The following RPGR variants were observed in gnomAD, a reference collection of about 807,000 sequenced individuals.
The protein encoded by RPGR is X-linked retinitis pigmentosa GTPase regulator.
In RPGR, 10 loss-of-function variants were observed where a neutral mutation model predicts 56.3. The ratio of observed to expected loss-of-function variants is 0.18; its 90% CI spans 0.11 to 0.30. The LOEUF (loss-of-function observed/expected upper bound fraction) is 0.30, where lower values mean the gene tolerates loss of function less well. Among genes scored for constraint, RPGR ranks in the 10% least tolerant of loss-of-function variants. The pLI is 1.00. For synonymous variants in RPGR, 197 were observed against 212.9 expected (o/e 0.93, Z 0.65); for missense variants, 538 against 590.9 (o/e 0.91, Z 0.93).
At position 38,320,895 on chromosome X, in the gene RPGR, T is replaced by C. The variant is rs143415085; in HGVS notation, c.310+132A>G. 1.3e-3 allele frequency: 686 copies of C among 533,590 alleles called. 3 individuals are homozygous for C. The African/African-American group carries it at 0.015, about 12-fold the overall frequency. 44.0% of individuals were successfully genotyped at this position (533,590 alleles called of 1,213,427 possible). On this transcript the variant is annotated intron_variant, in intron 4 of 18. Coordinates refer to ENST00000642395, the MANE Select transcript of RPGR (RefSeq NM_000328.3). Reference sequence around the variant, plus strand: ...TGCAAAGGCAAACGTGTACTAGCCATTGACATTTTAAAAAACCCTAATTTT... The same window carrying C: ...TGCAAAGGCAAACGTGTACTAGCCACTGACATTTTAAAAAACCCTAATTTT...
At chrX:38,276,878 AAAT>A (rs1277218437) in intron 15 of RPGR, 2 of 643,337 alleles carry the variant, frequency 3.1e-6, no homozygotes, top group African/African-American at 2.2e-5. Flanking sequence ...AAAACCAGGA[AAAT>A]ATTAATTCAA....
chrX:38,326,991 A>G (rs1408369695), intron 1 of RPGR: 10 of 199,363 alleles, frequency 5.0e-5, no homozygotes, highest in African/African-American at 3.1e-4. Flanking sequence ...CGGGATGCGG[A>G]GGTTGCGGTG....
At chrX:38,280,463 C>A (rs949975958) in intron 15 of RPGR, among the ~76,000 whole-genome samples, 3 of 111,032 alleles carry the variant, frequency 2.7e-5, no homozygotes, top group African/African-American at 9.8e-5. Context: ...GGGGTGCCAG[C>A]CTCAGCTCAG....
At chrX:38,321,809 G>A (rs980049126) in intron 3 of RPGR, among the ~76,000 whole-genome samples, 12 of 111,361 alleles carry the variant, frequency 1.1e-4, no homozygotes, top group African/African-American at 2.3e-4. Context: ...ATGAAAAACC[G>A]AAGACCAATA....
chrX:38,303,840 T>A, intron 8 of RPGR: 1 of 296,754 alleles, frequency 3.4e-6, no homozygotes, highest in African/African-American at 2.7e-5. Flanking sequence ...GGAAAAAAAG[T>A]AGAAATACTA....
At chrX:38,277,323 C>T (rs1260317791) in intron 15 of RPGR, among the ~76,000 whole-genome samples, 2 of 111,643 alleles carry the variant, frequency 1.8e-5, no homozygotes, top group Non-Finnish European at 3.8e-5. Flanking sequence ...CAAACAGAGG[C>T]AGAACTTGTT....
chrX:38,310,709 G>T lies in RPGR; in HGVS notation c.684C>A (p.Leu228=), dbSNP rs2067700627. ...GCTGGGGTGTTCTGTGATTGCCCAGGAGCTGATTGGGAAGACCTAACTTCC... is the reference window on the plus strand; with the variant it reads ...GCTGGGGTGTTCTGTGATTGCCCAGTAGCTGATTGGGAAGACCTAACTTCC... Residue 228 remains leucine, a synonymous_variant, in exon 7 of 19, where the codon CTC becomes CTA. Coordinates refer to ENST00000642395, the MANE Select transcript of RPGR (RefSeq NM_000328.3). The T allele has an allele frequency of 1.7e-6, 2 of 1,208,200 alleles. No homozygotes were observed. Among genetic ancestry groups the T allele is most frequent in the African/African-American group, 1.8e-5 (1 of 56,804 alleles).
chrX:38,317,487 G>A (rs1231958879), intron 5 of RPGR, 22 bp from the exon 6 acceptor site: 1 of 1,191,850 alleles, frequency 8.4e-7, no homozygotes, highest in South Asian at 1.8e-5. Flanking sequence ...AATAAAAGGG[G>A]GAGAAAAGGT....
intron 15 of RPGR, chrX:38,285,951 T>A: frequency 1.1e-6 from 1 of 901,134 alleles, no homozygotes; most frequent in Non-Finnish European, 1.4e-6. Context: ...CCCCTTCCTC[T>A]TCTTCCTCCC....
At chrX:38,285,609 TAA>T in intron 15 of RPGR, 1 of 1,211,830 alleles carries the variant, frequency 8.3e-7, no homozygotes, top group Non-Finnish European at 1.1e-6. Flanking sequence ...GCCCGTTTTT[TAA>T]AAGTCGTTTT....
intron 10 of RPGR, among the ~76,000 whole-genome samples, chrX:38,298,127 G>A (rs182712507): frequency 0.02 from 2,190 of 109,347 alleles, 38 homozygotes; most frequent in Middle Eastern, 0.052. Context: ...AAAATTAGCC[G>A]GGCATGGTGG....
At chrX:38,304,004 T>C in intron 8 of RPGR, among the ~76,000 whole-genome samples, 2 of 112,191 alleles carry the variant, frequency 1.8e-5, no homozygotes, top group Middle Eastern at 9.2e-3. Context: ...GACTGAATCA[T>C]TTAGGGGAGA....
intron 6 of RPGR, among the ~76,000 whole-genome samples, chrX:38,315,441 C>A (rs911170042): frequency 9.0e-6 from 1 of 111,702 alleles, no homozygotes; most frequent in Non-Finnish European, 1.9e-5. Flanking sequence ...GAAGTCATTA[C>A]GTTAAATGAA....
intron 13 of RPGR, among the ~76,000 whole-genome samples, chrX:38,289,739 T>C (rs983619421): frequency 8.9e-6 from 1 of 112,588 alleles, no homozygotes; most frequent in African/African-American, 3.2e-5. Context: ...AAGTATAAAA[T>C]ATATGTCAGC....
At chrX:38,320,963 G>A (rs189366649) in intron 4 of RPGR, 64 bp downstream of exon 4, 39 of 862,475 alleles carry the variant, frequency 4.5e-5, no homozygotes, top group Admixed American at 3.4e-4. Flanking sequence ...ACAAAGCCAC[G>A]TTACTGGAAT....
intron 15 of RPGR, among the ~76,000 whole-genome samples, chrX:38,281,702 C>T (rs1163639065): frequency 9.0e-6 from 1 of 111,167 alleles, no homozygotes; most frequent in Non-Finnish European, 1.9e-5. Flanking sequence ...CGTCAAAAGT[C>T]CCTTCCTTTA....
chrX:38,299,152 A>C lies in RPGR; in HGVS notation c.1060-11T>G. On this transcript the variant is annotated splice_polypyrimidine_tract_variant and intron_variant, in intron 9 of 18. Coordinates refer to ENST00000642395, the MANE Select transcript of RPGR (RefSeq NM_000328.3). ...TCCACCACAAGCAACCTGCAGCATA[A>C]ATCCACAGAAAAACTCATCAACATT... The C allele has an allele frequency of 8.3e-7, 1 of 1,206,747 alleles. No homozygotes were observed. Among genetic ancestry groups the C allele is most frequent in the Non-Finnish European group, 1.1e-6 (1 of 892,253 alleles).
intron 7 of RPGR, among the ~76,000 whole-genome samples, chrX:38,306,004 CAT>C (rs759081582): frequency 4.5e-5 from 5 of 111,364 alleles, no homozygotes; most frequent in Admixed American, 1.9e-4. Flanking sequence ...AATACTACGT[CAT>C]ATGTTTTCTA....
chrX:38,303,783 T>C (rs755402659), intron 8 of RPGR: 71 of 295,572 alleles, frequency 2.4e-4, no homozygotes, highest in Non-Finnish European at 3.8e-4. Context: ...AGATGAGCAG[T>C]AGTTTTTTCA....
Sources: allele counts gnomAD v4.1 joint callset (sites outside exome capture counted in the v4.1 genomes callset), GRCh38; gene constraint gnomAD v4.1.1; transcripts MANE v1.5; gene names NCBI Gene and HGNC (gene_info 2026-07-23, HGNC 2026-07-21).